EYS: variants seen among roughly 807,000 people sequenced by gnomAD.
EYS encodes EGF-like photoreceptor maintenance factor, also known as protein eyes shut homolog.
EYS carries 250 observed loss-of-function variants against 282.1 expected under a neutral mutation model. That is an observed-to-expected ratio of 0.89 (90% CI 0.80 to 0.98). The LOEUF is 0.98. EYS is among the 50% of genes least tolerant of loss of function. The pLI, the probability that EYS is intolerant of heterozygous loss-of-function variation, is 0.00. For synonymous variants in EYS, 1,355 were observed against 1,282.9 expected, an observed-to-expected ratio of 1.06 and a Z score of -1.20; for missense variants, 4,016 against 3,709.0, an observed-to-expected ratio of 1.08 and a Z score of -2.15.
chr6:64,584,265 G>T (rs916731656), intron 26 of EYS, among the ~76,000 whole-genome samples: 51 of 151,902 alleles, frequency 3.4e-4, no homozygotes, highest in African/African-American at 1.2e-3. Context: ...TGTGTGGTGT[G>T]CATGTATACA....
At chr6:64,719,855 T>C (rs7749775) in intron 22 of EYS, among the ~76,000 whole-genome samples, 146,304 of 152,206 alleles carry the variant, frequency 0.96, 70,505 homozygotes, top group Non-Finnish European at 1. Flanking sequence ...GAGCCGAGAT[T>C]GCACCACAGC....
At chr6:64,812,319 T>C (rs937159437) in intron 22 of EYS, among the ~76,000 whole-genome samples, 1 of 151,614 alleles carries the variant, frequency 6.6e-6, no homozygotes, top group Non-Finnish European at 1.5e-5. Flanking sequence ...AAATGGCATG[T>C]TAGGCAATGT....
intron 12 of EYS, among the ~76,000 whole-genome samples, chr6:65,086,147 A>G (rs927548263): frequency 6.6e-6 from 1 of 151,654 alleles, no homozygotes; most frequent in African/African-American, 2.4e-5. Flanking sequence ...GAAACCCCGT[A>G]TCTACTAAAA....
At chr6:65,638,140 C>T (rs1250551620) in intron 2 of EYS, among the ~76,000 whole-genome samples, 1 of 152,124 alleles carries the variant, frequency 6.6e-6, no homozygotes, top group African/African-American at 2.4e-5. Flanking sequence ...CTCAGCCAGA[C>T]TCAGACATAT....
chr6:64,578,421 T>A (rs1354647432), intron 26 of EYS, among the ~76,000 whole-genome samples: 1 of 152,022 alleles, frequency 6.6e-6, no homozygotes, highest in Non-Finnish European at 1.5e-5. Flanking sequence ...GCTTTTCTTC[T>A]CCCCTATAGC....
At chr6:64,638,576 A>C (rs1192573949) in intron 22 of EYS, among the ~76,000 whole-genome samples, 1 of 89,440 alleles carries the variant, frequency 1.1e-5, no homozygotes, top group African/African-American at 4.3e-5. Context: ...TATTTGGGAG[A>C]GTTCTAGAAT....
intron 1 of EYS, among the ~76,000 whole-genome samples, chr6:65,676,286 G>T (rs1279380846): frequency 6.6e-6 from 1 of 151,622 alleles, no homozygotes; most frequent in Non-Finnish European, 1.5e-5. Flanking sequence ...ACAAAAATAA[G>T]AATTGGTTTA....
At chr6:63,895,796 C>A (rs1773521039) in intron 35 of EYS, among the ~76,000 whole-genome samples, 1 of 152,132 alleles carries the variant, frequency 6.6e-6, no homozygotes, top group African/African-American at 2.4e-5. Flanking sequence ...TTCCCACCCA[C>A]ACGTCTGTCC....
At chr6:65,535,212 T>G (rs1767919500) in intron 2 of EYS, among the ~76,000 whole-genome samples, 1 of 152,104 alleles carries the variant, frequency 6.6e-6, no homozygotes, top group African/African-American at 2.4e-5. Context: ...GTAGTTCCAG[T>G]CTAAAGGTCA....
At chr6:65,254,386 G>A (rs1194701368) in intron 12 of EYS, among the ~76,000 whole-genome samples, 1 of 151,890 alleles carries the variant, frequency 6.6e-6, no homozygotes, top group Admixed American at 6.6e-5. Flanking sequence ...CCTAGTTAAA[G>A]TGTAAGAACA....
At chr6:64,919,362 G>A (rs1217671730) in intron 15 of EYS, among the ~76,000 whole-genome samples, 1 of 150,182 alleles carries the variant, frequency 6.7e-6, no homozygotes, top group Non-Finnish European at 1.5e-5. Context: ...TAGAAACAGG[G>A]TTTCACCATG....
intron 22 of EYS, among the ~76,000 whole-genome samples, chr6:64,731,785 AT>A (rs1374444419): frequency 6.6e-6 from 1 of 152,182 alleles, no homozygotes; most frequent in Non-Finnish European, 1.5e-5. Context: ...CAGAAATACC[AT>A]TTGATCCAGC....
At chr6:64,866,629 CCTG>C (rs1167934723) in intron 19 of EYS, among the ~76,000 whole-genome samples, 1 of 144,478 alleles carries the variant, frequency 6.9e-6, no homozygotes, top group African/African-American at 2.5e-5. Context: ...AGTTATCATT[CCTG>C]CTATTAGAGT....
chr6:64,542,377 G>A (rs1165779733), intron 26 of EYS, among the ~76,000 whole-genome samples: 1 of 152,014 alleles, frequency 6.6e-6, no homozygotes, highest in Non-Finnish European at 1.5e-5. Context: ...AGCATACATA[G>A]TTTATATACT....
chr6:65,560,154 C>G (rs542352632), intron 2 of EYS, among the ~76,000 whole-genome samples: 6 of 147,218 alleles, frequency 4.1e-5, no homozygotes, highest in African/African-American at 1.5e-4. Flanking sequence ...TTCATTCATA[C>G]TAAGCTATGT....
chr6:65,031,402 C>T (rs1389918867), intron 13 of EYS, among the ~76,000 whole-genome samples: 1 of 151,978 alleles, frequency 6.6e-6, no homozygotes, highest in Non-Finnish European at 1.5e-5. Flanking sequence ...GTACAGAACA[C>T]TCCACTCAAC....
intron 37 of EYS, among the ~76,000 whole-genome samples, chr6:63,803,793 G>A (rs1341403125): frequency 6.6e-6 from 1 of 152,144 alleles, no homozygotes; most frequent in Non-Finnish European, 1.5e-5. Context: ...CTCTTTCTAT[G>A]TAAAGCTCCC....
intron 2 of EYS, among the ~76,000 whole-genome samples, chr6:65,535,366 C>G (rs915091061): frequency 1.3e-5 from 2 of 152,028 alleles, no homozygotes; most frequent in African/African-American, 2.4e-5. Context: ...GCAGGTCTTT[C>G]CGGTGCTGTT....
chr6:64,221,893 C>G (rs1392769374), intron 31 of EYS, among the ~76,000 whole-genome samples: 2 of 152,038 alleles, frequency 1.3e-5, no homozygotes, highest in Non-Finnish European at 2.9e-5. Context: ...AGGTTTCAGG[C>G]ATCCACTGCG....
Sources: allele counts gnomAD v4.1 joint callset (sites outside exome capture counted in the v4.1 genomes callset), GRCh38; gene constraint gnomAD v4.1.1; transcripts MANE v1.5; gene names NCBI Gene and HGNC (gene_info 2026-07-23, HGNC 2026-07-21).